ZBTB7C: variants seen among roughly 807,000 people sequenced by gnomAD.
The protein encoded by ZBTB7C is zinc finger and BTB domain containing 7C, also known as zinc finger and BTB domain-containing protein 7C.
A neutral mutation model predicts 25.7 loss-of-function variants in ZBTB7C; 8 were observed. The observed-to-expected ratio is 0.31, with a 90% confidence interval of 0.18 to 0.56. The LOEUF is 0.56. Ranked by LOEUF, ZBTB7C falls within the 20% of genes least tolerant of loss-of-function variation. ZBTB7C has a pLI of 0.91. For missense variants in ZBTB7C, 824 were observed against 855.2 expected, an observed-to-expected ratio of 0.96 and a Z score of 0.46; for synonymous variants, 394 against 369.0, an observed-to-expected ratio of 1.07 and a Z score of -0.78.
chr18:48,098,279 G>C (rs978777106), intron 3 of ZBTB7C, among the ~76,000 whole-genome samples: 6 of 152,174 alleles, frequency 3.9e-5, no homozygotes, highest in African/African-American at 1.2e-4. Flanking sequence ...CTATGGACCA[G>C]GTCACTGTAT....
chr18:48,380,650 C>T (rs1447511048), intron 1 of ZBTB7C, among the ~76,000 whole-genome samples: 1 of 151,970 alleles, frequency 6.6e-6, no homozygotes, highest in African/African-American at 2.4e-5. Flanking sequence ...ACAGTCACAG[C>T]CAAGAAGAGT....
chr18:48,144,063 A>G (rs184245899), intron 3 of ZBTB7C, among the ~76,000 whole-genome samples: 240 of 152,270 alleles, frequency 1.6e-3, no homozygotes, highest in African/African-American at 5.4e-3. Context: ...GGATCACTTC[A>G]GGTCAGGAGT....
Position 48,242,487 on chromosome 18 carries a change from A to G in ZBTB7C, c.-78-56492T>C, listed in dbSNP as rs565572317. Among the ~76,000 whole-genome samples, 16 of 152,344 alleles carry G rather than the reference A, an allele frequency of 1.1e-4. No homozygotes were observed. In the South Asian group the frequency reaches 3.1e-3, roughly 30 times the overall value. ...ACCAATTCCAACAGCAGAATATCAA[A>G]AAGATAATATACCATGATCGAGTGG... On this transcript the variant is annotated intron_variant, in intron 2 of 4. Coordinates refer to ENST00000590800, the MANE Select transcript of ZBTB7C (RefSeq NM_001318841.2).
intron 3 of ZBTB7C, among the ~76,000 whole-genome samples, chr18:48,127,419 T>G (rs777825237): frequency 1.6e-4 from 25 of 152,368 alleles, no homozygotes; most frequent in South Asian, 1.0e-3. Flanking sequence ...CTTGCTTCAT[T>G]TTTAGTTCTG....
chr18:48,064,902 C>T (rs915424293), intron 3 of ZBTB7C, among the ~76,000 whole-genome samples: 2 of 152,214 alleles, frequency 1.3e-5, no homozygotes, highest in African/African-American at 4.8e-5. Flanking sequence ...ACAAAGCCCA[C>T]AGAGGGCTTC....
chr18:48,100,968 C>G (rs1436820733), intron 3 of ZBTB7C, among the ~76,000 whole-genome samples: 1 of 152,078 alleles, frequency 6.6e-6, no homozygotes, highest in Non-Finnish European at 1.5e-5. Context: ...AGGTTGTAGG[C>G]TGTTCTGGGC....
At chr18:48,308,844 A>G (rs955699160) in intron 2 of ZBTB7C, among the ~76,000 whole-genome samples, 4 of 152,204 alleles carry the variant, frequency 2.6e-5, no homozygotes, top group African/African-American at 9.6e-5. Context: ...TCCTGAATCT[A>G]AAACTCTGGG....
chr18:48,090,579 G>T (rs1308745184), intron 3 of ZBTB7C, among the ~76,000 whole-genome samples: 3 of 152,224 alleles, frequency 2.0e-5, no homozygotes, highest in Non-Finnish European at 2.9e-5. Flanking sequence ...GACTGGGGAT[G>T]AGTCCTGGGG....
In ZBTB7C at chr18:48,167,563, G is replaced by GGGGTGTGT. The variant is rs1555705394; in HGVS notation, c.-17+18370_-17+18371insACACACCC. Reference sequence around the variant, plus strand: ...TAAATGCAGGCCACTGCATTGCTAGGGTGTGTGTGTGTGTGTGTGTGTGTG... The same window carrying GGGGTGTGT: ...TAAATGCAGGCCACTGCATTGCTAGGGGGTGTGTGTGTGTGTGTGTGTGTGTGTGTGTG... On this transcript the variant is annotated intron_variant, in intron 3 of 4. Coordinates refer to ENST00000590800, the MANE Select transcript of ZBTB7C (RefSeq NM_001318841.2). Among the ~76,000 whole-genome samples, 565 of 142,570 alleles carry GGGGTGTGT rather than the reference G, an allele frequency of 4.0e-3. 4 individuals carry two copies. Among genetic ancestry groups the GGGGTGTGT allele is most frequent in the Middle Eastern group, 0.011 (3 of 270 alleles). The allele number at this position is 142,570 out of a possible 152,430, so 93.5% of individuals were successfully genotyped here.
intron 2 of ZBTB7C, among the ~76,000 whole-genome samples, chr18:48,295,556 G>T (rs2045362971): frequency 6.6e-6 from 1 of 152,068 alleles, no homozygotes; most frequent in Non-Finnish European, 1.5e-5. Context: ...CTCAGGCTAA[G>T]ATTGTTTTTA....
intron 2 of ZBTB7C, among the ~76,000 whole-genome samples, chr18:48,328,470 T>A (rs1374744544): frequency 6.6e-6 from 1 of 152,228 alleles, no homozygotes; most frequent in Non-Finnish European, 1.5e-5. Flanking sequence ...CAGTTATTAT[T>A]TTTGTAATTT....
At chr18:48,203,988 C>G (rs1349335427) in intron 2 of ZBTB7C, among the ~76,000 whole-genome samples, 1 of 152,206 alleles carries the variant, frequency 6.6e-6, no homozygotes, top group African/African-American at 2.4e-5. Context: ...CTGCATGAGT[C>G]CCTGATCCTG....
intron 2 of ZBTB7C, among the ~76,000 whole-genome samples, chr18:48,281,623 T>A (rs1329324947): frequency 3.3e-5 from 5 of 151,976 alleles, no homozygotes; most frequent in South Asian, 2.1e-4. Flanking sequence ...AGAAAACAAC[T>A]AACAACCCCA....
intron 2 of ZBTB7C, among the ~76,000 whole-genome samples, chr18:48,336,358 G>A (rs539174569): frequency 7.2e-5 from 11 of 152,284 alleles, no homozygotes; most frequent in East Asian, 1.9e-4. Context: ...GCAGAATCAC[G>A]GAAACAAGCT....
chr18:48,212,455 G>C (rs1169665008), intron 2 of ZBTB7C, among the ~76,000 whole-genome samples: 1 of 151,986 alleles, frequency 6.6e-6, no homozygotes, highest in African/African-American at 2.4e-5. Context: ...CACACTAAGA[G>C]TGAACCCTAA....
At chr18:48,207,617 C>CTAT (rs79884497) in intron 2 of ZBTB7C, among the ~76,000 whole-genome samples, 214 of 136,998 alleles carry the variant, frequency 1.6e-3, no homozygotes, top group African/African-American at 5.2e-3. Context: ...ATCTATCTAT[C>CTAT]CATCTAAAAT....
intron 2 of ZBTB7C, among the ~76,000 whole-genome samples, chr18:48,329,909 T>C (rs1251259794): frequency 2.6e-5 from 4 of 152,156 alleles, no homozygotes. Context: ...CCTACAACAA[T>C]CCCGGGAGGG....
At chr18:48,234,974 ATTTT>A (rs2145366372) in intron 2 of ZBTB7C, among the ~76,000 whole-genome samples, 1 of 152,260 alleles carries the variant, frequency 6.6e-6, no homozygotes, top group South Asian at 2.1e-4. Context: ...TAAGAAATTT[ATTTT>A]TGTGATATGA....
chr18:48,307,779 C>T (rs1168776699), intron 2 of ZBTB7C, among the ~76,000 whole-genome samples: 1 of 152,080 alleles, frequency 6.6e-6, no homozygotes, highest in South Asian at 2.1e-4. Flanking sequence ...ACCTGGGAGG[C>T]GGAGATTGCA....
Sources: allele counts gnomAD v4.1 joint callset (sites outside exome capture counted in the v4.1 genomes callset), GRCh38; gene constraint gnomAD v4.1.1; transcripts MANE v1.5; gene names NCBI Gene and HGNC (gene_info 2026-07-23, HGNC 2026-07-21).